NRAP: variants seen among roughly 807,000 people sequenced by gnomAD.
NRAP encodes the protein nebulin related anchoring protein.
A neutral mutation model predicts 225.9 loss-of-function variants in NRAP; 189 were observed. That is an observed-to-expected ratio of 0.84 (90% CI 0.74 to 0.94). NRAP has a LOEUF of 0.94. Ranked by LOEUF, NRAP falls within the 40% of genes least tolerant of loss-of-function variation. The pLI is 0.00. For synonymous variants in NRAP, 769 were observed against 790.7 expected (o/e 0.97, Z 0.46); for missense variants, 2,176 against 2,168.7 (o/e 1.00, Z -0.07).
intron 32 of NRAP, among the ~76,000 whole-genome samples, chr10:113,606,995 G>C (rs1250829825): frequency 6.6e-6 from 1 of 152,068 alleles, no homozygotes; most frequent in Non-Finnish European, 1.5e-5. Flanking sequence ...CTAAGGTCAG[G>C]AGTTCGAGAC....
chr10:113,629,802 C>G lies in NRAP; in HGVS notation c.1843-17G>C. 1.3e-6 allele frequency: 2 copies of G among 1,579,396 alleles called. No individual in the cohort carries two copies. Among genetic ancestry groups the G allele is most frequent in the Non-Finnish European group, 1.7e-6 (2 of 1,148,552 alleles). On this transcript the variant is annotated splice_polypyrimidine_tract_variant and intron_variant, in intron 18 of 41. Transcript: ENST00000359988. ...ATATTCAACCTTGAATATACCAAAA[C>G]AAGGCCCGTTTTGTTAGTTGAAGCC... is the stretch of plus-strand genomic sequence containing the variant.
intron 22 of NRAP, 129 bp downstream of exon 22, chr10:113,624,697 T>C: frequency 1.5e-6 from 1 of 683,948 alleles, no homozygotes; most frequent in Middle Eastern, 2.7e-4. Context: ...GTGAGCTGTT[T>C]TTACAACAAC....
intron 18 of NRAP, 130 bp from the exon 19 acceptor site, chr10:113,629,915 T>C: frequency 1.5e-6 from 1 of 648,024 alleles, no homozygotes; most frequent in Non-Finnish European, 2.7e-6. Context: ...ACTGCCACCC[T>C]TCTGTCAGAA....
chr10:113,604,102 C>T (rs894033330), intron 35 of NRAP, among the ~76,000 whole-genome samples: 8 of 152,058 alleles, frequency 5.3e-5, no homozygotes, highest in African/African-American at 1.9e-4. Context: ...GGCTAGTATA[C>T]AGAAGGTGGT....
rs199535639 is a variant in NRAP, at chr10:113,663,716, A to G, written c.72+95T>C. On this transcript the variant is annotated intron_variant, in intron 1 of 41. Coordinates refer to ENST00000359988, the MANE Select transcript of NRAP (RefSeq NM_198060.4). ...CTTGTGGTTCAAAACAATTTAACTG[A>G]AAATTAAATTTCCATATTTACCTAT... is the stretch of plus-strand genomic sequence containing the variant. The G allele has an allele frequency of 5.5e-6, 5 of 910,228 alleles. No individual in the cohort carries two copies. In the East Asian group the frequency reaches 1.2e-4, roughly 22 times the overall value. 56.4% of individuals were successfully genotyped at this position (910,228 alleles called of 1,614,324 possible). A position where few individuals can be genotyped will look rare whatever the true frequency, so the allele number is the denominator to read the frequency against.
intron 37 of NRAP, among the ~76,000 whole-genome samples, chr10:113,596,420 G>A (rs1462781244): frequency 1.3e-5 from 2 of 152,124 alleles, no homozygotes; most frequent in East Asian, 1.9e-4. Context: ...TACAGTAGTC[G>A]GGCTGTCTGT....
At chr10:113,609,100 C>G (rs925936182) in intron 31 of NRAP, among the ~76,000 whole-genome samples, 1 of 152,162 alleles carries the variant, frequency 6.6e-6, no homozygotes, top group African/African-American at 2.4e-5. Flanking sequence ...GCGGAGGTTG[C>G]AGTGGGCTGA....
intron 3 of NRAP, 80 bp from the exon 4 acceptor site, chr10:113,657,654 TG>T: frequency 1.2e-6 from 1 of 837,756 alleles, no homozygotes. Context: ...TAGCTAAAAT[TG>T]GGGGATTTTG....
chr10:113,624,219 C>A (rs1368665683), intron 22 of NRAP, among the ~76,000 whole-genome samples: 1 of 152,186 alleles, frequency 6.6e-6, no homozygotes, highest in Non-Finnish European at 1.5e-5. Flanking sequence ...AGATGAGGAA[C>A]CCAAAGACCT....
chr10:113,614,116 G>T, intron 29 of NRAP, 67 bp downstream of exon 29: 1 of 990,426 alleles, frequency 1.0e-6, no homozygotes, highest in Non-Finnish European at 1.6e-6. Context: ...AATGAGGTTA[G>T]GTTGCCATGC....
At chr10:113,606,415 C>G in intron 32 of NRAP, 133 bp from the exon 33 acceptor site, 1 of 613,146 alleles carries the variant, frequency 1.6e-6, no homozygotes, top group Non-Finnish European at 2.9e-6. Context: ...GGATACATCT[C>G]CAGTCTTGGG....
In NRAP at chr10:113,650,467, C is replaced by T. The variant is rs185422708; in HGVS notation, c.754G>A (p.Ala252Thr). The change falls in exon 8 of 42, where the codon GCC becomes ACC. Residue 252 changes from alanine (A) to threonine (T), a missense_variant. Physicochemically the swap from Ala to Thr is moderately conservative, Grantham distance 58 (BLOSUM62 0). Transcript: ENST00000359988. The part of the protein sequence containing the change: ...PAMITPAYQI[A>T]KRANELASDV... The stretch of plus-strand genomic sequence containing the variant: ...CTTGCCAGCTCATTGGCTCTTTTGG[C>T]TATCTGATAGGCGGGTGTGATCATC... 2 of 1,613,848 alleles carry T rather than the reference C, an allele frequency of 1.2e-6. No homozygotes were observed. The highest frequency in any genetic ancestry group is 2.7e-5 in the African/African-American group (2 of 75,042).
intron 41 of NRAP, chr10:113,589,373 G>A (rs948306445): frequency 3.5e-6 from 2 of 566,528 alleles, no homozygotes; most frequent in Non-Finnish European, 6.2e-6. Flanking sequence ...TAACGAGCAA[G>A]CAGTCAGCAC....
In NRAP at chr10:113,631,917, C is replaced by A. The variant is rs1848604460; in HGVS notation, c.1680G>T (p.Glu560Asp). Reference sequence around the variant, plus strand: ...GCAGAGACATGGCATCCAGCTTCATCTCAAATCCTTTCCCCTTTGTCTTCT... The same window carrying A: ...GCAGAGACATGGCATCCAGCTTCATATCAAATCCTTTCCCCTTTGTCTTCT... ...GWEKTKGKGF[E>D]MKLDAMSLLA... The change falls in exon 17 of 42, where the codon GAG (glutamate) becomes GAT (aspartate). Residue 560 changes from glutamate to aspartate, a missense_variant. Coordinates refer to ENST00000359988, the MANE Select transcript of NRAP (RefSeq NM_198060.4). The A allele has an allele frequency of 6.2e-7, 1 of 1,613,844 alleles. No individual in the cohort carries two copies. Among genetic ancestry groups the A allele is most frequent in the South Asian group, 1.1e-5 (1 of 91,084 alleles).
At chr10:113,647,060 T>C in intron 9 of NRAP, 33 bp from the exon 10 acceptor site, 1 of 1,361,794 alleles carries the variant, frequency 7.3e-7, no homozygotes, top group Non-Finnish European at 1.1e-6. Context: ...CAGTGAGTAA[T>C]GCTTCCCTCC....
intron 13 of NRAP, 120 bp from the exon 14 acceptor site, chr10:113,640,451 T>C (rs897284616): frequency 3.6e-6 from 2 of 552,198 alleles, no homozygotes; most frequent in Non-Finnish European, 6.3e-6. Context: ...TTCATCACCT[T>C]CAAGGAAAAT....
chr10:113,607,399 C>CAAAAAAAAAAAAAAAAA (rs543627940), intron 32 of NRAP, among the ~76,000 whole-genome samples: 33 of 68,598 alleles, frequency 4.8e-4, no homozygotes, highest in Non-Finnish European at 5.9e-4. Flanking sequence ...GAAACTCCGT[C>CAAAAAAAAAAAAAAAAA]AAAAAAAAAA....
chr10:113,617,552 T>C lies in NRAP; in HGVS notation c.2876A>G (p.Lys959Arg), dbSNP rs1564721105. 1 of 1,589,828 alleles carries C rather than the reference T, an allele frequency of 6.3e-7. No individual in the cohort carries two copies. Among genetic ancestry groups the C allele is most frequent in the Non-Finnish European group, 8.6e-7 (1 of 1,157,874 alleles). Residue 959 changes from lysine (K) to arginine (R), a missense_variant and splice_region_variant, in exon 26 of 42, where the codon AAG becomes AGG. Around this residue, in one of 3 missense-constraint regions of NRAP, gnomAD observed 1,708 missense variants for 1,695.5 expected, o/e 1.01. Coordinates refer to ENST00000359988, the MANE Select transcript of NRAP (RefSeq NM_198060.4). The part of the protein sequence containing the change: ...AKKAGELISE[K>R]KYRQHPDALK... ...AGCATCTGGATGCTGACGGTACTTCTTCTGTTGAGCAGAAAAAGATCAAAG... is the reference window on the plus strand; with the variant it reads ...AGCATCTGGATGCTGACGGTACTTCCTCTGTTGAGCAGAAAAAGATCAAAG...
At position 113,624,859 on chromosome 10, in the gene NRAP, C is replaced by A. The variant is rs1436472667; in HGVS notation, c.2316G>T (p.Leu772=). 6.2e-7 allele frequency: 1 copy of A among 1,613,936 alleles called. No homozygotes were observed. Among genetic ancestry groups the A allele is most frequent in the East Asian group, 2.2e-5 (1 of 44,890 alleles). ...GATTTGCAGCATTGGCTCGGGCCTG[C>A]AGGAAGAGAGGCTCGTCTTTGCTGA... The part of the protein sequence containing the change: ...YTISKDEPLF[L]QARANAANLS... The change falls in exon 22 of 42, where the codon CTG becomes CTT. Residue 772 remains leucine (L), a synonymous_variant. Coordinates refer to ENST00000359988, the MANE Select transcript of NRAP (RefSeq NM_198060.4).
Sources: gnomAD v4.1 joint callset for allele counts (sites outside exome capture counted in the v4.1 genomes callset) on GRCh38, gnomAD v4.1.1 for gene constraint, gnomAD v4.1.1 regional missense constraint, MANE v1.5 for transcripts, NCBI Gene and HGNC (gene_info 2026-07-23, HGNC 2026-07-21) for gene names.